Variants in OR8J3 observed in about 807,000 individuals in gnomAD.
OR8J3 encodes the protein olfactory receptor family 8 subfamily J member 3.
For missense variants in OR8J3, 418 were observed against 379.8 expected (o/e 1.10, Z -0.84); for synonymous variants, 170 against 142.6 (o/e 1.19, Z -1.37).
At position 56,134,853 on chromosome 11, in the gene OR8J3, C is replaced by T. The variant is rs1248168265; in HGVS notation, c.*1918G>A. On this transcript the variant is annotated 3_prime_UTR_variant, in exon 2 of 2. Transcript: ENST00000642058. ...CCAAACATTTCTGGCAAATTAATTT[C>T]GAAGAAGGATAATTCTTCTTCATTA... 3.9e-5 allele frequency: 6 copies of T among 152,038 alleles called. No individual in the cohort carries two copies. The South Asian group carries it at 8.3e-4, about 21-fold the overall frequency. 9.4% of individuals were successfully genotyped at this position (152,038 alleles called of 1,614,324 possible).
chr11:56,137,189 A>G lies in OR8J3; in HGVS notation c.530T>C (p.Phe177Ser), dbSNP rs1854340237. 1 of 1,613,968 alleles carries G rather than the reference A, an allele frequency of 6.2e-7. No individual in the cohort carries two copies. Among genetic ancestry groups the G allele is most frequent in the African/African-American group, 1.3e-5 (1 of 74,920 alleles). Residue 177 changes from phenylalanine to serine, a missense_variant, in exon 2 of 2, where the codon TTT (phenylalanine) becomes TCT (serine). By Grantham distance (155) the Phe-to-Ser change is radical. Transcript: ENST00000642058. Reference protein sequence around the residue: ...SYCSSNIINHFYCDIAPLLAL... With the variant: ...SYCSSNIINHSYCDIAPLLAL... ...TAACAGAGGTGCAATATCACAGTAA[A>G]AATGATTGATTATATTAGAAGAGCA...
Position 56,137,220 on chromosome 11 carries a change from A to C in OR8J3, c.499T>G (p.Ser167Ala). Residue 167 changes from serine (S) to alanine (A), a missense_variant, in exon 2 of 2, where the codon TCT (serine) becomes GCT (alanine). Coordinates refer to ENST00000642058, the MANE Select transcript of OR8J3 (RefSeq NM_001004064.2). ...IVVSPCIFSV[S>A]YCSSNIINHF... ...TTGATTATATTAGAAGAGCAATAAG[A>C]CACAGAGAATATACAAGGTGAAACC... 7 of 1,614,148 alleles carry C rather than the reference A, an allele frequency of 4.3e-6. No homozygotes were observed. The highest frequency in any genetic ancestry group is 5.9e-6 in the Non-Finnish European group (7 of 1,179,976).
Position 56,136,971 on chromosome 11 carries a change from C to T in OR8J3, c.748G>A (p.Val250Ile). The change falls in exon 2 of 2, where the codon GTT (valine) becomes ATT (isoleucine). Residue 250 changes from valine (V) to isoleucine (I), a missense_variant. Val to Ile is a conservative substitution (Grantham distance 29). Transcript: ENST00000642058. Reference sequence around the variant, plus strand: ...ATAAATAGCATTGTCCCATAGAAAACCGTGACTGCTATCATATGCGAAGCG... The same window carrying T: ...ATAAATAGCATTGTCCCATAGAAAATCGTGACTGCTATCATATGCGAAGCG... Reference protein sequence around the residue: ...TCASHMIAVTVFYGTMLFMYL... With the variant: ...TCASHMIAVTIFYGTMLFMYL... 6.2e-7 allele frequency: 1 copy of T among 1,613,544 alleles called. No homozygotes were observed. The highest frequency in any genetic ancestry group is 2.2e-5 in the East Asian group (1 of 44,866).
Position 56,137,286 on chromosome 11 carries a change from C to A in OR8J3, c.433G>T (p.Val145Leu). The stretch of plus-strand genomic sequence containing the variant: ...AAGCCATAGAGGTATGTGAGGGACA[C>A]CAGCAGGAGGCAGAGCCGCCGAGAC... ...VVSRRLCLLL[V>L]SLTYLYGFST... The change falls in exon 2 of 2, where the codon GTG becomes TTG. Residue 145 changes from valine (V) to leucine (L), a missense_variant. Val to Leu is a conservative substitution (Grantham distance 32, BLOSUM62 1). Transcript: ENST00000642058. 1 of 1,613,948 alleles carries A rather than the reference C, an allele frequency of 6.2e-7. No homozygotes were observed. Among genetic ancestry groups the A allele is most frequent in the Non-Finnish European group, 8.5e-7 (1 of 1,180,002 alleles).
At position 56,136,881 on chromosome 11, in the gene OR8J3, A is replaced by C. The variant is rs757977724; in HGVS notation, c.838T>G (p.Leu280Val). 4 of 1,613,860 alleles carry C rather than the reference A, an allele frequency of 2.5e-6. No homozygotes were observed. The highest frequency in any genetic ancestry group is 3.4e-6 in the Non-Finnish European group (4 of 1,179,874). ...AAGGGATTCAGCATAGGAATCACCA[A>C]TGTGTAAAACACAGAAGCCATCTTA... is the stretch of plus-strand genomic sequence containing the variant. ...TDKMASVFYT[L>V]VIPMLNPLIY... Residue 280 changes from leucine to valine, a missense_variant, in exon 2 of 2, where the codon TTG (leucine) becomes GTG (valine). Physicochemically the swap from Leu to Val is conservative, Grantham distance 32 (BLOSUM62 1). Transcript: ENST00000642058.
rs1191038701 is a variant in OR8J3, at chr11:56,138,218, T to C, written c.-500A>G. On this transcript the variant is annotated 5_prime_UTR_variant, in exon 2 of 2. Transcript: ENST00000642058. ...GAATTATATCCTTTTATAACATGTA[T>C]TAGATCTATATTGAGCTTGCAAATT... 1.3e-5 allele frequency: 2 copies of C among 153,774 alleles called. No individual in the cohort carries two copies. The highest frequency in any genetic ancestry group is 3.8e-4 in the East Asian group (2 of 5,204). The allele number at this position is 153,774 out of a possible 1,614,324, so 9.5% of individuals were successfully genotyped here. A position where few individuals can be genotyped will look rare whatever the true frequency, so the allele number is the denominator to read the frequency against.
In OR8J3 at chr11:56,135,094, C is replaced by G. The variant is rs1208910846; in HGVS notation, c.*1677G>C. The G allele has an allele frequency of 6.6e-6, 1 of 151,902 alleles. No homozygotes were observed. Among genetic ancestry groups the G allele is most frequent in the Non-Finnish European group, 1.5e-5 (1 of 67,892 alleles). The allele number at this position is 151,902 out of a possible 1,614,324, so 9.4% of individuals were successfully genotyped here. ...ATTTGGCTACAAACAATTTTATGGTCTTCTAGCATTTCTTCCTAAATCTAA... is the reference window on the plus strand; with the variant it reads ...ATTTGGCTACAAACAATTTTATGGTGTTCTAGCATTTCTTCCTAAATCTAA... On this transcript the variant is annotated 3_prime_UTR_variant, in exon 2 of 2. Transcript: ENST00000642058.
rs1854322284 is a variant in OR8J3, at chr11:56,135,547, TA to T, written c.*1223del. 6.6e-6 allele frequency: 1 copy of T among 152,006 alleles called. No individual in the cohort carries two copies. Among genetic ancestry groups the T allele is most frequent in the Non-Finnish European group, 1.5e-5 (1 of 67,886 alleles). The allele number at this position is 152,006 out of a possible 1,614,324, so 9.4% of individuals were successfully genotyped here. A position where few individuals can be genotyped will look rare whatever the true frequency, so the allele number is the denominator to read the frequency against. ...GTAGAGTTGTGTTTTGTTTCCTTTTTAATATTATAATTATTCATATCATTCA... is the reference window on the plus strand; with the variant it reads ...GTAGAGTTGTGTTTTGTTTCCTTTTTATATTATAATTATTCATATCATTCA... On this transcript the variant is annotated 3_prime_UTR_variant, in exon 2 of 2. Transcript: ENST00000642058.
At position 56,135,570 on chromosome 11, in the gene OR8J3, T is replaced by G. The variant is rs754362338; in HGVS notation, c.*1201A>C. 4 of 151,964 alleles carry G rather than the reference T, an allele frequency of 2.6e-5. No individual in the cohort carries two copies. Among genetic ancestry groups the G allele is most frequent in the Non-Finnish European group, 5.9e-5 (4 of 67,890 alleles). 9.4% of individuals were successfully genotyped at this position (151,964 alleles called of 1,614,324 possible). On this transcript the variant is annotated 3_prime_UTR_variant, in exon 2 of 2. Transcript: ENST00000642058. ...TTTAATATTATAATTATTCATATCA[T>G]TCATAATTATTCATATCATAATTAT...
Position 56,137,513 on chromosome 11 carries a change from A to C in OR8J3, c.206T>G (p.Ile69Ser), listed in dbSNP as rs1854346166. 1.9e-6 allele frequency: 3 copies of C among 1,614,108 alleles called. No individual in the cohort carries two copies. The African/African-American group carries it at 4.0e-5, about 22-fold the overall frequency. ...AATGACAGTAGAGTTGCCAAGATTG[A>C]TGATAGCTAGATGTCTCAGGAAAAA... The part of the protein sequence containing the change: ...MYFFLRHLAI[I>S]NLGNSTVIAP... The change falls in exon 2 of 2, where the codon ATC (isoleucine) becomes AGC (serine). Residue 69 changes from isoleucine (I) to serine (S), a missense_variant. By Grantham distance (142) the Ile-to-Ser change is moderately radical. Coordinates refer to ENST00000642058, the MANE Select transcript of OR8J3 (RefSeq NM_001004064.2).
chr11:56,137,147 T>G lies in OR8J3; in HGVS notation c.572A>C (p.Asp191Ala). ...GACTATTGTTTCTGGTATGTAAGTA[T>G]CAGAGCAAGATAATGCTAACAGAGG... is the stretch of plus-strand genomic sequence containing the variant. The part of the protein sequence containing the change: ...IAPLLALSCS[D>A]TYIPETIVFI... Residue 191 changes from aspartate (D) to alanine (A), a missense_variant, in exon 2 of 2, where the codon GAT becomes GCT. Physicochemically the swap from Asp to Ala is moderately radical, Grantham distance 126 (BLOSUM62 -2). Coordinates refer to ENST00000642058, the MANE Select transcript of OR8J3 (RefSeq NM_001004064.2). The G allele has an allele frequency of 6.2e-7, 1 of 1,613,200 alleles. No homozygotes were observed. Among genetic ancestry groups the G allele is most frequent in the Non-Finnish European group, 8.5e-7 (1 of 1,179,626 alleles).
In OR8J3 at chr11:56,137,652, G is replaced by T; in HGVS notation, c.67C>A (p.Leu23Ile). ...AAGACCAGGAAGAGGGGAATCTGGA[G>T]CTCTGGACAGCTAGAGACACCTGTG... ...ILTGVSSCPE[L>I]QIPLFLVFLV... The change falls in exon 2 of 2, where the codon CTC (leucine) becomes ATC (isoleucine). Residue 23 changes from leucine to isoleucine, a missense_variant. Physicochemically the swap from Leu to Ile is conservative, Grantham distance 5. Transcript: ENST00000642058. 3 of 1,614,132 alleles carry T rather than the reference G, an allele frequency of 1.9e-6. No homozygotes were observed. Among genetic ancestry groups the T allele is most frequent in the Non-Finnish European group, 2.5e-6 (3 of 1,180,008 alleles).
In OR8J3 at chr11:56,139,854, G is replaced by A. The variant is rs557508312; in HGVS notation, c.-780+319C>T. Among the ~76,000 whole-genome samples the A allele has an allele frequency of 1.6e-4, 25 of 152,306 alleles. No individual in the cohort carries two copies. In the South Asian group the frequency reaches 1.7e-3, roughly 10 times the overall value. On this transcript the variant is annotated intron_variant, in intron 1 of 1. Coordinates refer to ENST00000642058, the MANE Select transcript of OR8J3 (RefSeq NM_001004064.2). Reference sequence around the variant, plus strand: ...GCAAGAATTAATTTCTTGAAAATGCGTATCTGGGAAAAAATATGGCCTATG... The same window carrying A: ...GCAAGAATTAATTTCTTGAAAATGCATATCTGGGAAAAAATATGGCCTATG...
Position 56,137,602 on chromosome 11 carries a change from C to T in OR8J3, c.117G>A (p.Met39Ile), listed in dbSNP as rs61742348. The change falls in exon 2 of 2, where the codon ATG (methionine) becomes ATA (isoleucine). Residue 39 changes from methionine to isoleucine, a missense_variant. Met to Ile is a conservative substitution (Grantham distance 10, BLOSUM62 1). Coordinates refer to ENST00000642058, the MANE Select transcript of OR8J3 (RefSeq NM_001004064.2). ...GGGTGATGATGCCCAGGTTCCCTGCCATGGTCAGCACATAGAGCACTAGGA... is the reference window on the plus strand; with the variant it reads ...GGGTGATGATGCCCAGGTTCCCTGCTATGGTCAGCACATAGAGCACTAGGA... ...LVFLVLYVLT[M>I]AGNLGIITLT... 0.12 allele frequency: 195,508 copies of T among 1,614,042 alleles called. 12,724 individuals carry two copies. The highest frequency in any genetic ancestry group is 0.15 in the East Asian group (6,666 of 44,864).
rs1854334367 is a variant in OR8J3, at chr11:56,136,824, C to T, written c.895G>A (p.Val299Ile). The change falls in exon 2 of 2, where the codon GTT (valine) becomes ATT (isoleucine). Residue 299 changes from valine (V) to isoleucine (I), a missense_variant. Coordinates refer to ENST00000642058, the MANE Select transcript of OR8J3 (RefSeq NM_001004064.2). ...TTTTCCATGAATTTCTTTAAGGCAA[C>T]ATTTACATCATTATTCCTCAGGCTG... ...IYSLRNNDVN[V>I]ALKKFMENPC... 2 of 1,606,598 alleles carry T rather than the reference C, an allele frequency of 1.2e-6. No homozygotes were observed. The highest frequency in any genetic ancestry group is 1.1e-5 in the South Asian group (1 of 89,204).
rs764367912 is a variant in OR8J3 at position 56,136,998 on chromosome 11, A to T, written c.721T>A (p.Cys241Ser). 13 of 1,613,406 alleles carry T rather than the reference A, an allele frequency of 8.1e-6. No homozygotes were observed. Among genetic ancestry groups the T allele is most frequent in the Non-Finnish European group, 1.0e-5 (12 of 1,179,844 alleles). Residue 241 changes from cysteine (C) to serine (S), a missense_variant, in exon 2 of 2, where the codon TGC becomes AGC. Cys to Ser is a moderately radical substitution (Grantham distance 112). Transcript: ENST00000642058. ...GTGACTGCTATCATATGCGAAGCGCAGGTGGAAAAGGCTTTTTTCCTTCCT... is the reference window on the plus strand; with the variant it reads ...GTGACTGCTATCATATGCGAAGCGCTGGTGGAAAAGGCTTTTTTCCTTCCT... ...PEGRKKAFSTCASHMIAVTVF... is the reference protein window; with the variant it reads ...PEGRKKAFSTSASHMIAVTVF...
In OR8J3 at chr11:56,136,668, C is replaced by A. The variant is rs1198936474; in HGVS notation, c.*103G>T. 8 of 588,996 alleles carry A rather than the reference C, an allele frequency of 1.4e-5. No homozygotes were observed. In the East Asian group the frequency reaches 2.5e-4, roughly 18 times the overall value. The allele number at this position is 588,996 out of a possible 1,614,324, so 36.5% of individuals were successfully genotyped here. The stretch of plus-strand genomic sequence containing the variant: ...TTAATTCAATGATCTTTAAATCTTA[C>A]CTCTTGGTAATTCTTAGGATTGCTT... On this transcript the variant is annotated 3_prime_UTR_variant, in exon 2 of 2. Transcript: ENST00000642058.
At position 56,137,278 on chromosome 11, in the gene OR8J3, G is replaced by C; in HGVS notation, c.441C>G (p.Leu147=). The part of the protein sequence containing the change: ...SRRLCLLLVS[L]TYLYGFSTAI... ...CTGTAGAAAAGCCATAGAGGTATGT[G>C]AGGGACACCAGCAGGAGGCAGAGCC... The change falls in exon 2 of 2, where the codon CTC becomes CTG. Residue 147 remains leucine (L), a synonymous_variant. Transcript: ENST00000642058. 6.2e-7 allele frequency: 1 copy of C among 1,614,096 alleles called. No individual in the cohort carries two copies. The highest frequency in any genetic ancestry group is 8.5e-7 in the Non-Finnish European group (1 of 1,180,014).
chr11:56,138,622 C>T, intron 1 of OR8J3, 125 bp from the exon 2 acceptor site: 1 of 151,388 alleles, frequency 6.6e-6, no homozygotes, highest in Non-Finnish European at 1.5e-5. Context: ...TTGCAGTGAG[C>T]CGAGATTGCG....
Sources: gnomAD v4.1 joint callset for allele counts (sites outside exome capture counted in the v4.1 genomes callset) on GRCh38, gnomAD v4.1.1 for gene constraint, MANE v1.5 for transcripts, NCBI Gene and HGNC (gene_info 2026-07-23, HGNC 2026-07-21) for gene names.